The following LGR5 variants were observed in gnomAD, a reference collection of about 807,000 sequenced individuals.
LGR5 encodes the protein leucine rich repeat containing G protein-coupled receptor 5.
Under a neutral mutation model 76.7 loss-of-function variants are expected in LGR5, and 54 were observed. The ratio of observed to expected loss-of-function variants is 0.70; its 90% CI spans 0.57 to 0.88. The LOEUF (loss-of-function observed/expected upper bound fraction) is 0.88. LGR5 is among the 40% of genes least tolerant of loss of function. The probability of loss-of-function intolerance (pLI) is 0.00; values close to 1 mark genes in which losing one functional copy is unlikely to be tolerated. For synonymous variants in LGR5, 406 were observed against 421.9 expected, an observed-to-expected ratio of 0.96 and a Z score of 0.46; for missense variants, 1,078 against 1,073.3, an observed-to-expected ratio of 1.00 and a Z score of -0.06.
chr12:71,541,131 G>A (rs956586240), intron 4 of LGR5, among the ~76,000 whole-genome samples: 13 of 152,204 alleles, frequency 8.5e-5, no homozygotes, highest in African/African-American at 3.1e-4. Flanking sequence ...TTATGAGGAG[G>A]AAAAGTTTTG....
chr12:71,556,173 G>A (rs1381231558), intron 5 of LGR5, among the ~76,000 whole-genome samples: 1 of 152,088 alleles, frequency 6.6e-6, no homozygotes, highest in Non-Finnish European at 1.5e-5. Context: ...CCTCTCAGAG[G>A]GTGGAGGGTG....
chr12:71,444,323 G>A (rs1871891412), intron 1 of LGR5, among the ~76,000 whole-genome samples: 1 of 151,936 alleles, frequency 6.6e-6, no homozygotes, highest in African/African-American at 2.4e-5. Flanking sequence ...TCATTTTAAT[G>A]AAGTTCTTTC....
intron 4 of LGR5, among the ~76,000 whole-genome samples, chr12:71,536,250 A>T (rs1057480184): frequency 6.6e-6 from 1 of 152,252 alleles, no homozygotes; most frequent in African/African-American, 2.4e-5. Context: ...TAATAATTAC[A>T]TATAGTTTGC....
chr12:71,453,025 T>G (rs937080643), intron 1 of LGR5, among the ~76,000 whole-genome samples: 4 of 152,288 alleles, frequency 2.6e-5, no homozygotes, highest in Non-Finnish European at 5.9e-5. Flanking sequence ...TTAGCTAAAT[T>G]AATTGCCCTG....
At chr12:71,460,792 GCCTTA>G (rs1872657902) in intron 1 of LGR5, among the ~76,000 whole-genome samples, 1 of 151,936 alleles carries the variant, frequency 6.6e-6, no homozygotes, top group Non-Finnish European at 1.5e-5. Context: ...ATTTCATCCC[GCCTTA>G]CACAGCGCCT....
intron 12 of LGR5, among the ~76,000 whole-genome samples, chr12:71,572,372 G>A (rs7303989): frequency 0.18 from 27,838 of 152,086 alleles, 2,919 homozygotes; most frequent in East Asian, 0.44. Flanking sequence ...GTGAGCCACC[G>A]CGCCCGGCCA....
At chr12:71,551,889 C>A (rs12306919) in intron 4 of LGR5, among the ~76,000 whole-genome samples, 146 of 152,284 alleles carry the variant, frequency 9.6e-4, no homozygotes, top group African/African-American at 3.3e-3. Flanking sequence ...AAACAAACAT[C>A]TGCTTCATAC....
chr12:71,445,181 G>T (rs968557785), intron 1 of LGR5, among the ~76,000 whole-genome samples: 1 of 152,150 alleles, frequency 6.6e-6, no homozygotes, highest in Non-Finnish European at 1.5e-5. Flanking sequence ...GATACTTCTG[G>T]TAAACTGAAG....
chr12:71,465,874 T>A (rs933264477), intron 1 of LGR5, among the ~76,000 whole-genome samples: 1 of 152,152 alleles, frequency 6.6e-6, no homozygotes, highest in Admixed American at 6.6e-5. Context: ...TAAAACTAAT[T>A]CAGTGAAACA....
chr12:71,556,188 G>A (rs756947168), intron 5 of LGR5, among the ~76,000 whole-genome samples: 2 of 152,094 alleles, frequency 1.3e-5, no homozygotes, highest in South Asian at 2.1e-4. Flanking sequence ...AGGGTGGGAG[G>A]AGGGAGAAGA....
At chr12:71,509,897 G>A (rs758401550) in intron 2 of LGR5, among the ~76,000 whole-genome samples, 11 of 152,072 alleles carry the variant, frequency 7.2e-5, no homozygotes, top group Non-Finnish European at 1.3e-4. Context: ...TGGACATGAC[G>A]AATCTCTATA....
chr12:71,442,115 T>C (rs559427615), intron 1 of LGR5, among the ~76,000 whole-genome samples: 12 of 152,326 alleles, frequency 7.9e-5, no homozygotes, highest in South Asian at 2.1e-4. Context: ...CATACATTCA[T>C]TATAAAATAT....
intron 3 of LGR5, among the ~76,000 whole-genome samples, chr12:71,531,194 T>C (rs1876290572): frequency 6.6e-6 from 1 of 152,178 alleles, no homozygotes; most frequent in Non-Finnish European, 1.5e-5. Flanking sequence ...AAGTTTTAAG[T>C]GCCTACACCT....
chr12:71,485,216 G>T (rs1873775378), intron 1 of LGR5, among the ~76,000 whole-genome samples: 1 of 152,096 alleles, frequency 6.6e-6, no homozygotes, highest in South Asian at 2.1e-4. Context: ...TGTTTATAAT[G>T]TACTAGGTAT....
chr12:71,516,001 A>G (rs1875414422), intron 2 of LGR5, among the ~76,000 whole-genome samples: 1 of 152,204 alleles, frequency 6.6e-6, no homozygotes, highest in Non-Finnish European at 1.5e-5. Context: ...AATGTGGACA[A>G]TAATAATCCC....
chr12:71,440,371 C>A lies in LGR5; in HGVS notation c.212+79C>A. 1 of 1,402,482 alleles carries A rather than the reference C, an allele frequency of 7.1e-7. No individual in the cohort carries two copies. The highest frequency in any genetic ancestry group is 9.9e-7 in the Non-Finnish European group (1 of 1,013,568). 86.9% of individuals were successfully genotyped at this position (1,402,482 alleles called of 1,614,324 possible). A position where few individuals can be genotyped will look rare whatever the true frequency, so the allele number is the denominator to read the frequency against. On this transcript the variant is annotated intron_variant, in intron 1 of 17. Coordinates refer to ENST00000266674, the MANE Select transcript of LGR5 (RefSeq NM_003667.4). The surrounding 1 kb of genome is among the most constrained non-coding windows in gnomAD (Gnocchi z 5.3). ...TCGTCCAAGGCGAGGCTGGAGGCTCCTCGGCGCCCGCCTGCTCGTGGGGGA... is the reference window on the plus strand; with the variant it reads ...TCGTCCAAGGCGAGGCTGGAGGCTCATCGGCGCCCGCCTGCTCGTGGGGGA...
intron 3 of LGR5, 81 bp from the exon 4 acceptor site, chr12:71,535,034 C>G: frequency 1.1e-6 from 1 of 906,946 alleles, no homozygotes; most frequent in Non-Finnish European, 1.7e-6. Flanking sequence ...TTTTCTGACA[C>G]CTGGAACAGT....
intron 1 of LGR5, among the ~76,000 whole-genome samples, chr12:71,498,204 G>A (rs555904837): frequency 1.6e-4 from 25 of 152,144 alleles, no homozygotes; most frequent in Non-Finnish European, 2.8e-4. Flanking sequence ...TTAATTACAA[G>A]CAAAAACAAT....
chr12:71,457,128 A>C (rs1419675115), intron 1 of LGR5, among the ~76,000 whole-genome samples: 1 of 152,196 alleles, frequency 6.6e-6, no homozygotes, highest in Non-Finnish European at 1.5e-5. Flanking sequence ...TAGATGTTTC[A>C]TCAAATGCTA....
Sources: allele counts gnomAD v4.1 joint callset (sites outside exome capture counted in the v4.1 genomes callset), GRCh38; gene constraint gnomAD v4.1.1; non-coding constraint Gnocchi (gnomAD v3.1); transcripts MANE v1.5; gene names NCBI Gene and HGNC (gene_info 2026-07-23, HGNC 2026-07-21).